FBXW2: variants seen among roughly 807,000 people sequenced by gnomAD.
FBXW2 encodes F-box and WD repeat domain containing 2.
FBXW2 carries 12 observed loss-of-function variants against 46.0 expected under a neutral mutation model. The observed-to-expected ratio is 0.26, with a 90% CI of 0.17 to 0.42. The LOEUF (loss-of-function observed/expected upper bound fraction) is 0.42, where lower values mean the gene tolerates loss of function less well. Among genes scored for constraint, FBXW2 ranks in the 10% least tolerant of loss-of-function variants. The pLI, the probability that FBXW2 is intolerant of heterozygous loss-of-function variation, is 1.00. For synonymous variants in FBXW2, 203 were observed against 209.6 expected, an observed-to-expected ratio of 0.97 and a Z score of 0.27; for missense variants, 360 against 537.0, an observed-to-expected ratio of 0.67 and a Z score of 3.26.
intron 2 of FBXW2, among the ~76,000 whole-genome samples, chr9:120,790,246 AG>A (rs1177854698): frequency 3.9e-5 from 6 of 152,200 alleles, no homozygotes; most frequent in Non-Finnish European, 8.8e-5. Context: ...TGTGAGACTG[AG>A]GTGGGCTCGG....
At position 120,762,387 on chromosome 9, in the gene FBXW2, A is replaced by C. The variant is rs2044209989; in HGVS notation, c.*2172T>G. The C allele has an allele frequency of 6.6e-6, 1 of 152,100 alleles. No individual in the cohort carries two copies. The highest frequency in any genetic ancestry group is 2.1e-4 in the South Asian group (1 of 4,824). 9.4% of individuals were successfully genotyped at this position (152,100 alleles called of 1,614,324 possible). On this transcript the variant is annotated 3_prime_UTR_variant, in exon 8 of 8. Coordinates refer to ENST00000608872, the MANE Select transcript of FBXW2 (RefSeq NM_012164.4). ...AAGTAAAAAGTCATTTACCATCATC[A>C]TTGCCCAAAGTCTCCTGGGGCTTCT... is the stretch of plus-strand genomic sequence containing the variant.
At chr9:120,769,433 G>GTC (rs2044331355) in intron 7 of FBXW2, among the ~76,000 whole-genome samples, 1 of 152,194 alleles carries the variant, frequency 6.6e-6, no homozygotes, top group Non-Finnish European at 1.5e-5. Context: ...GGACTCTAGA[G>GTC]TCTCTATATG....
Position 120,764,725 on chromosome 9 carries a change from C to T in FBXW2, c.1199G>A (p.Arg400His). 6.2e-7 allele frequency: 1 copy of T among 1,614,186 alleles called. No individual in the cohort carries two copies. The stretch of plus-strand genomic sequence containing the variant: ...TTTCCTGTACTCTGGCAGAGGCCAG[C>T]GACTAATCAGGCTCTCTGTCCGCAA... Reference protein sequence around the residue: ...MDLRTESLISRWPLPEYRKSK... With the variant: ...MDLRTESLISHWPLPEYRKSK... Residue 400 changes from arginine to histidine, a missense_variant, in exon 8 of 8, where the codon CGC (arginine) becomes CAC (histidine). Arg to His is a conservative substitution (Grantham distance 29). Transcript: ENST00000608872.
At chr9:120,773,188 TA>T (rs34998032) in intron 5 of FBXW2, among the ~76,000 whole-genome samples, 21,435 of 137,294 alleles carry the variant, frequency 0.16, 1,551 homozygotes, top group Middle Eastern at 0.19. Flanking sequence ...CCACAACGCT[TA>T]AAAAAAAAAA....
intron 3 of FBXW2, among the ~76,000 whole-genome samples, chr9:120,782,634 G>A (rs1317914922): frequency 1.3e-5 from 2 of 152,074 alleles, no homozygotes; most frequent in Non-Finnish European, 2.9e-5. Context: ...TTAAGCCCAG[G>A]AGTTAGAGAT....
rs548469741 is a variant in FBXW2 at position 120,767,638 on chromosome 9, G to T, written c.1077-2791C>A. 4.6e-5 allele frequency among the ~76,000 whole-genome samples: 7 copies of T among 152,262 alleles called. No individual in the cohort carries two copies. The East Asian group carries it at 1.4e-3, about 29-fold the overall frequency. On this transcript the variant is annotated intron_variant, in intron 7 of 7. Coordinates refer to ENST00000608872, the MANE Select transcript of FBXW2 (RefSeq NM_012164.4). ...GCCTAAAGTGAGCTAGCCAATGTTG[G>T]TACCAGGATTTCGGCAGTGAATAAG...
rs2044235646 is a variant in FBXW2 at position 120,764,256 on chromosome 9, TAAAAC to T, written c.*298_*302del. 2.4e-6 allele frequency: 1 copy of T among 409,204 alleles called. No individual in the cohort carries two copies. Among genetic ancestry groups the T allele is most frequent in the Non-Finnish European group, 4.3e-6 (1 of 232,282 alleles). 25.3% of individuals were successfully genotyped at this position (409,204 alleles called of 1,614,324 possible). On this transcript the variant is annotated 3_prime_UTR_variant, in exon 8 of 8. Transcript: ENST00000608872. ...AATGGATCATTTAACTTTCTTTACT[TAAAAC>T]CAATACTCCACTCAAGAAAGATGAA... is the stretch of plus-strand genomic sequence containing the variant.
intron 3 of FBXW2, among the ~76,000 whole-genome samples, chr9:120,782,866 C>A (rs946024406): frequency 2.6e-5 from 4 of 151,858 alleles, no homozygotes; most frequent in Non-Finnish European, 5.9e-5. Context: ...AAAACCCCCC[C>A]AAAAACAAAC....
At chr9:120,779,532 A>G (rs2044567132) in intron 3 of FBXW2, among the ~76,000 whole-genome samples, 1 of 152,256 alleles carries the variant, frequency 6.6e-6, no homozygotes, top group Non-Finnish European at 1.5e-5. Context: ...TGGGAAAACT[A>G]TGATAGCATA....
At chr9:120,781,465 G>A (rs751435618) in intron 3 of FBXW2, among the ~76,000 whole-genome samples, 25 of 152,076 alleles carry the variant, frequency 1.6e-4, no homozygotes, top group Non-Finnish European at 3.2e-4. Context: ...CTGCAGAACT[G>A]GGTTAGGAGG....
chr9:120,783,680 T>G (rs1330816298), intron 3 of FBXW2, among the ~76,000 whole-genome samples: 3 of 152,202 alleles, frequency 2.0e-5, no homozygotes, highest in African/African-American at 7.2e-5. Flanking sequence ...AGTGTGTATG[T>G]TCCACAAGAA....
At chr9:120,792,766 G>A (rs2044875951) in intron 2 of FBXW2, 3 of 750,498 alleles carry the variant, frequency 4.0e-6, no homozygotes, top group Non-Finnish European at 5.8e-6. Flanking sequence ...GACAGTGCAA[G>A]TAAAGCGTTT....
At position 120,762,732 on chromosome 9, in the gene FBXW2, G is replaced by A. The variant is rs1160911771; in HGVS notation, c.*1827C>T. On this transcript the variant is annotated 3_prime_UTR_variant, in exon 8 of 8. Transcript: ENST00000608872. ...CTGCCAGCAACCCTTTTTCTCACCT[G>A]TAAAATGGATATGCTTTATACTGGA... is the stretch of plus-strand genomic sequence containing the variant. 6.6e-6 allele frequency: 1 copy of A among 152,214 alleles called. No individual in the cohort carries two copies. Among genetic ancestry groups the A allele is most frequent in the Non-Finnish European group, 1.5e-5 (1 of 68,044 alleles). 9.4% of individuals were successfully genotyped at this position (152,214 alleles called of 1,614,324 possible).
rs1212749996 is a variant in FBXW2 at position 120,764,696 on chromosome 9, T to C, written c.1228A>G (p.Lys410Glu). ...RWPLPEYRKSKRGSSFLAGEA... is the reference protein window; with the variant it reads ...RWPLPEYRKSERGSSFLAGEA... ...CCTGCCAGGAAGCTTGAGCCTCTCT[T>C]TGATTTCCTGTACTCTGGCAGAGGC... The change falls in exon 8 of 8, where the codon AAG (lysine) becomes GAG (glutamate). Residue 410 changes from lysine (K) to glutamate (E), a missense_variant. Lys to Glu is a moderately conservative substitution (Grantham distance 56). Coordinates refer to ENST00000608872, the MANE Select transcript of FBXW2 (RefSeq NM_012164.4). The C allele has an allele frequency of 6.2e-7, 1 of 1,614,226 alleles. No individual in the cohort carries two copies. Among genetic ancestry groups the C allele is most frequent in the Admixed American group, 1.7e-5 (1 of 60,030 alleles).
rs760306500 is a variant in FBXW2 at position 120,787,974 on chromosome 9, T to A, written c.285A>T (p.Thr95=). ...TTTTACATGCAGTCTGCCACACCTC[T>A]GTACAGGCACTTATCACCTTATTCC... ...KQWNKVISAC[T]EVWQTACKNL... is the part of the protein sequence containing the mutation. The change falls in exon 3 of 8, where the codon ACA becomes ACT. Residue 95 remains threonine, a synonymous_variant. Coordinates refer to ENST00000608872, the MANE Select transcript of FBXW2 (RefSeq NM_012164.4). 17 of 1,614,216 alleles carry A rather than the reference T, an allele frequency of 1.1e-5. No homozygotes were observed. The highest frequency in any genetic ancestry group is 1.4e-5 in the Non-Finnish European group (17 of 1,180,044).
rs1256457180 is a variant in FBXW2 at position 120,764,534 on chromosome 9, C to T, written c.*25G>A. The T allele has an allele frequency of 6.3e-7, 1 of 1,595,152 alleles. No homozygotes were observed. The highest frequency in any genetic ancestry group is 2.2e-5 in the East Asian group (1 of 44,462). ...AACCCGCAGCCCCGGCACCCAAAGT[C>T]AGTCAGCGGTGGTGGCTCATGGTGT... is the stretch of plus-strand genomic sequence containing the variant. On this transcript the variant is annotated 3_prime_UTR_variant, in exon 8 of 8. Transcript: ENST00000608872.
At chr9:120,773,475 G>T (rs1223739367) in intron 5 of FBXW2, among the ~76,000 whole-genome samples, 2 of 152,056 alleles carry the variant, frequency 1.3e-5, no homozygotes, top group African/African-American at 4.8e-5. Context: ...CTTTAAAACA[G>T]GAGACAAGCA....
In FBXW2 at chr9:120,778,511, C is replaced by T. The variant is rs1180210610; in HGVS notation, c.525G>A (p.Val175=). ...SDDLSAKLWD[V]STGQCVYGIQ... ...TGCCATAAACGCACTGCCCTGTGCT[C>T]ACATCCCACAGCTTTGCAGACAAGT... Residue 175 remains valine, a synonymous_variant, in exon 4 of 8, where the codon GTG becomes GTA. Coordinates refer to ENST00000608872, the MANE Select transcript of FBXW2 (RefSeq NM_012164.4). 1 of 1,614,048 alleles carries T rather than the reference C, an allele frequency of 6.2e-7. No individual in the cohort carries two copies. The highest frequency in any genetic ancestry group is 1.7e-5 in the Admixed American group (1 of 60,010).
intron 3 of FBXW2, among the ~76,000 whole-genome samples, chr9:120,780,793 G>A (rs910445893): frequency 2.6e-5 from 4 of 152,078 alleles, no homozygotes; most frequent in Admixed American, 2.6e-4. Context: ...TACTTGGGAA[G>A]ACAAAAAGGC....
Sources: allele counts gnomAD v4.1 joint callset (sites outside exome capture counted in the v4.1 genomes callset), GRCh38; gene constraint gnomAD v4.1.1; transcripts MANE v1.5; gene names NCBI Gene and HGNC (gene_info 2026-07-23, HGNC 2026-07-21).